Variants in RAB44 observed in about 807,000 individuals in gnomAD.
RAB44 encodes ras-related protein Rab-44.
Under a neutral mutation model 93.3 loss-of-function variants are expected in RAB44, and 67 were observed. That is an observed-to-expected ratio of 0.72 (90% confidence interval 0.59 to 0.88). The LOEUF is 0.88. RAB44 is among the 40% of genes least tolerant of loss of function. The pLI is 0.00. For missense variants in RAB44, 1,064 were observed against 1,261.7 expected, an observed-to-expected ratio of 0.84 and a Z score of 2.37; for synonymous variants, 427 against 520.3, an observed-to-expected ratio of 0.82 and a Z score of 2.44.
At chr6:36,710,769 A>G (rs1762765589) in intron 2 of RAB44, among the ~76,000 whole-genome samples, 1 of 152,092 alleles carries the variant, frequency 6.6e-6, no homozygotes. Flanking sequence ...GATTACAGGC[A>G]TGCACCATCA....
chr6:36,730,754 G>A lies in RAB44; in HGVS notation c.2975+5G>A, dbSNP rs2150343342. Reference sequence around the variant, plus strand: ...GCCTGTAGTAAACCTGGCCAGGTAAGTGCTGCCCGCCCCCCGCCGCCCCCA... The same window carrying A: ...GCCTGTAGTAAACCTGGCCAGGTAAATGCTGCCCGCCCCCCGCCGCCCCCA... On this transcript the variant is annotated splice_donor_5th_base_variant and intron_variant, in intron 13 of 13. Coordinates refer to ENST00000612677, the MANE Select transcript of RAB44 (RefSeq NM_001257357.2). 8.1e-7 allele frequency: 1 copy of A among 1,229,998 alleles called. No homozygotes were observed. Among genetic ancestry groups the A allele is most frequent in the Non-Finnish European group, 1.0e-6 (1 of 986,480 alleles). The allele number at this position is 1,229,998 out of a possible 1,614,324, so 76.2% of individuals were successfully genotyped here.
At chr6:36,727,828 T>G in intron 11 of RAB44, 137 bp downstream of exon 11, 1 of 663,712 alleles carries the variant, frequency 1.5e-6, no homozygotes. Flanking sequence ...TGAGGGCATG[T>G]GGTTGGATGA....
At chr6:36,728,591 G>T in intron 11 of RAB44, 109 bp from the exon 12 acceptor site, 1 of 795,596 alleles carries the variant, frequency 1.3e-6, no homozygotes, top group Non-Finnish European at 2.1e-6. Flanking sequence ...AGTGGATGTG[G>T]CCTGGGAGGG....
chr6:36,715,242 G>A (rs1327411870), intron 3 of RAB44, among the ~76,000 whole-genome samples: 6 of 152,182 alleles, frequency 3.9e-5, no homozygotes, highest in Non-Finnish European at 7.3e-5. Flanking sequence ...CCTTGGAGGT[G>A]TGGTGTGATT....
rs1010825591 is a variant in RAB44, at chr6:36,717,312, G to C, written c.534G>C (p.Gln178His). Residue 178 changes from glutamine to histidine, a missense_variant, in exon 5 of 14, where the codon CAG becomes CAC. Coordinates refer to ENST00000612677, the MANE Select transcript of RAB44 (RefSeq NM_001257357.2). The surrounding 1 kb of genome is among the most constrained non-coding windows in gnomAD (Gnocchi z 4.1). ...EIWQLWGQLR[Q>H]EEPQLAGNLA... ...GGCAACTGTGGGGGCAGCTGCGGCA[G>C]GAGGAGCCCCAGCTGGCAGGCAACC... is the stretch of plus-strand genomic sequence containing the variant. 8.1e-7 allele frequency: 1 copy of C among 1,232,234 alleles called. No individual in the cohort carries two copies. The highest frequency in any genetic ancestry group is 1.0e-6 in the Non-Finnish European group (1 of 988,010). The allele number at this position is 1,232,234 out of a possible 1,614,324, so 76.3% of individuals were successfully genotyped here.
chr6:36,723,194 AG>A (rs1763141349), intron 9 of RAB44, among the ~76,000 whole-genome samples: 1 of 152,256 alleles, frequency 6.6e-6, no homozygotes, highest in Non-Finnish European at 1.5e-5. Context: ...TTAGGAAGCC[AG>A]GTGCCTGAGT....
rs1763366471 is a variant in RAB44, at chr6:36,731,614, T to C, written c.2976-389T>C. On this transcript the variant is annotated intron_variant, in intron 13 of 13. Transcript: ENST00000612677. This position sits in a 1 kb window ranked among gnomAD's most constrained non-coding sequence, Gnocchi z 4.0. ...ACCTCCCCCACCCTTTCTGCTGGCA[T>C]ACCTTGTCCATGGCTCAGTTCGGTC... Among the ~76,000 whole-genome samples the C allele has an allele frequency of 6.6e-6, 1 of 152,162 alleles. No homozygotes were observed.
chr6:36,715,978 G>C (rs2150333070), intron 4 of RAB44, among the ~76,000 whole-genome samples: 1 of 152,322 alleles, frequency 6.6e-6, no homozygotes, highest in South Asian at 2.1e-4. Flanking sequence ...TAGCGATTGG[G>C]CTCAGCTTCC....
intron 3 of RAB44, among the ~76,000 whole-genome samples, chr6:36,714,862 A>G (rs1762875756): frequency 6.6e-6 from 1 of 152,118 alleles, no homozygotes; most frequent in Admixed American, 6.5e-5. Context: ...ACTCAGTGCC[A>G]TTCACCTCGT....
chr6:36,708,728 T>C (rs950236530), intron 2 of RAB44, among the ~76,000 whole-genome samples: 1 of 152,090 alleles, frequency 6.6e-6, no homozygotes, highest in Non-Finnish European at 1.5e-5. Flanking sequence ...GAGGAAATGA[T>C]TCTGGGGAGA....
At chr6:36,726,277 G>T (rs887024466) in intron 10 of RAB44, among the ~76,000 whole-genome samples, 4 of 152,104 alleles carry the variant, frequency 2.6e-5, no homozygotes, top group African/African-American at 9.7e-5. Context: ...ATGGAGTCTC[G>T]CTGTATTGCT....
In RAB44 at chr6:36,721,436, C is replaced by A. The variant is rs1232156446; in HGVS notation, c.1302C>A (p.Thr434=). 52 of 1,234,284 alleles carry A rather than the reference C, an allele frequency of 4.2e-5. No individual in the cohort carries two copies. The highest frequency in any genetic ancestry group is 4.6e-5 in the Non-Finnish European group (45 of 988,254). The allele number at this position is 1,234,284 out of a possible 1,614,324, so 76.5% of individuals were successfully genotyped here. The part of the protein sequence containing the change: ...PSSDPDGAPR[T]PPGVTFSAKD... The stretch of plus-strand genomic sequence containing the variant: ...CAGATCCAGATGGGGCTCCAAGGAC[C>A]CCACCTGGGGTGACTTTCAGCGCCA... Residue 434 remains threonine (T), a synonymous_variant, in exon 9 of 14, where the codon ACC becomes ACA. Transcript: ENST00000612677.
intron 2 of RAB44, among the ~76,000 whole-genome samples, chr6:36,705,142 C>A (rs1476090077): frequency 6.7e-6 from 1 of 150,304 alleles, no homozygotes; most frequent in African/African-American, 2.5e-5. Context: ...AATGAGGGAA[C>A]CAGTAAGATG....
In RAB44 at chr6:36,730,678, G is replaced by A; in HGVS notation, c.2904G>A (p.Leu968=). 3.2e-6 allele frequency: 4 copies of A among 1,234,160 alleles called. No individual in the cohort carries two copies. The highest frequency in any genetic ancestry group is 4.1e-4 in the Middle Eastern group (2 of 4,838). The allele number at this position is 1,234,160 out of a possible 1,614,324, so 76.5% of individuals were successfully genotyped here. A position where few individuals can be genotyped will look rare whatever the true frequency, so the allele number is the denominator to read the frequency against. ...VEAGQQLAQE[L]GVYFGECSAA... is the part of the protein sequence containing the mutation. ...CCTCCCTGTCTGGCCTGCAGGAACT[G>A]GGGGTCTATTTTGGGGAGTGCAGTG... Residue 968 remains leucine (L), a synonymous_variant, in exon 13 of 14, where the codon CTG becomes CTA. Coordinates refer to ENST00000612677, the MANE Select transcript of RAB44 (RefSeq NM_001257357.2).
chr6:36,710,478 A>G (rs551879814), intron 2 of RAB44, among the ~76,000 whole-genome samples: 2 of 152,000 alleles, frequency 1.3e-5, no homozygotes, highest in South Asian at 4.2e-4. Flanking sequence ...TCTTTTGGTG[A>G]TTGTAAATAA....
intron 2 of RAB44, 21 bp downstream of exon 2, chr6:36,704,463 T>G (rs542189039): frequency 1.3e-6 from 2 of 1,527,606 alleles, no homozygotes; most frequent in South Asian, 1.2e-5. Context: ...GACCCCCATT[T>G]GAATGCTGAA....
intron 1 of RAB44, among the ~76,000 whole-genome samples, 195 bp from the exon 2 acceptor site, chr6:36,704,029 G>A (rs146294767): frequency 2.0e-5 from 3 of 152,334 alleles, no homozygotes; most frequent in Non-Finnish European, 2.9e-5. Flanking sequence ...GGGCAAAGGC[G>A]TTGAGCAGAA....
intron 10 of RAB44, among the ~76,000 whole-genome samples, chr6:36,727,277 C>G (rs1449677651): frequency 6.6e-6 from 1 of 152,042 alleles, no homozygotes; most frequent in Non-Finnish European, 1.5e-5. Context: ...ACGTAAAATG[C>G]CTCTGGAAAA....
chr6:36,721,918 C>T lies in RAB44; in HGVS notation c.1784C>T (p.Ala595Val), dbSNP rs1763095933. The T allele has an allele frequency of 3.2e-6, 4 of 1,234,750 alleles. No homozygotes were observed. The highest frequency in any genetic ancestry group is 3.2e-5 in the East Asian group (1 of 31,732). The allele number at this position is 1,234,750 out of a possible 1,614,324, so 76.5% of individuals were successfully genotyped here. ...GATGCCCTCCAGCAGGACCTGCATG[C>T]CACTGGCTCTGAGCCAAGACTGGGG... ...QRDALQQDLHATGSEPRLGTQ... is the reference protein window; with the variant it reads ...QRDALQQDLHVTGSEPRLGTQ... Residue 595 changes from alanine (A) to valine (V), a missense_variant, in exon 9 of 14, where the codon GCC becomes GTC. Physicochemically the swap from Ala to Val is moderately conservative, Grantham distance 64. Transcript: ENST00000612677.
Sources: allele counts gnomAD v4.1 joint callset (sites outside exome capture counted in the v4.1 genomes callset), GRCh38; gene constraint gnomAD v4.1.1; non-coding constraint Gnocchi (gnomAD v3.1); transcripts MANE v1.5; gene names NCBI Gene and HGNC (gene_info 2026-07-23, HGNC 2026-07-21).